PIGX: variants seen among roughly 807,000 people sequenced by gnomAD.
PIGX encodes phosphatidylinositol glycan anchor biosynthesis class X, also known as GPI alpha-1,4-mannosyltransferase I, stabilizing subunit.
Under a neutral mutation model 28.7 loss-of-function variants are expected in PIGX, and 24 were observed. The ratio of observed to expected loss-of-function variants is 0.84; its 90% CI spans 0.60 to 1.17. PIGX has a LOEUF of 1.17. Ranked by LOEUF, PIGX falls within the 50% of genes most tolerant of loss-of-function variation. The pLI, the probability that PIGX is intolerant of heterozygous loss-of-function variation, is 0.00. For missense variants in PIGX, 305 were observed against 317.8 expected (o/e 0.96, Z 0.31); for synonymous variants, 127 against 121.0 (o/e 1.05, Z -0.33).
chr3:196,723,494 C>T (rs1712403941), intron 3 of PIGX, among the ~76,000 whole-genome samples: 1 of 152,184 alleles, frequency 6.6e-6, no homozygotes, highest in African/African-American at 2.4e-5. Flanking sequence ...AGAAAAGTTT[C>T]CCCAACTTTG....
chr3:196,726,950 C>T (rs1160836231), intron 3 of PIGX, among the ~76,000 whole-genome samples: 1 of 152,156 alleles, frequency 6.6e-6, no homozygotes, highest in African/African-American at 2.4e-5. Context: ...CAAAGTCCCT[C>T]ATGACTCATG....
intron 4 of PIGX, among the ~76,000 whole-genome samples, chr3:196,730,477 T>C (rs1318951992): frequency 6.6e-6 from 1 of 151,936 alleles, no homozygotes; most frequent in Non-Finnish European, 1.5e-5. Flanking sequence ...TGGCCAGGCG[T>C]AGTGGCTCAC....
chr3:196,735,433 T>G lies in PIGX; in HGVS notation c.*1531T>G, dbSNP rs927307416. 2.6e-5 allele frequency: 4 copies of G among 152,006 alleles called. No individual in the cohort carries two copies. The highest frequency in any genetic ancestry group is 4.4e-5 in the Non-Finnish European group (3 of 68,022). 9.4% of individuals were successfully genotyped at this position (152,006 alleles called of 1,614,324 possible). On this transcript the variant is annotated 3_prime_UTR_variant, in exon 6 of 6. Coordinates refer to ENST00000392391, the MANE Select transcript of PIGX (RefSeq NM_017861.4). The stretch of plus-strand genomic sequence containing the variant: ...TATTGAGATGTGATAAACCTTTGTA[T>G]ATGCCATCACTGCTCCATTTCCTAA...
intron 5 of PIGX, among the ~76,000 whole-genome samples, chr3:196,732,226 A>T (rs1260410842): frequency 6.0e-4 from 20 of 33,258 alleles, no homozygotes; most frequent in African/African-American, 3.1e-3. Flanking sequence ...TTATATATAT[A>T]TATATATATA....
At position 196,712,659 on chromosome 3, in the gene PIGX, G is replaced by T. The variant is rs1711872664; in HGVS notation, c.112+15G>T. The T allele has an allele frequency of 2.5e-6, 3 of 1,185,800 alleles. No individual in the cohort carries two copies. The highest frequency in any genetic ancestry group is 2.1e-6 in the Non-Finnish European group (2 of 958,196). The allele number at this position is 1,185,800 out of a possible 1,614,324, so 73.5% of individuals were successfully genotyped here. On this transcript the variant is annotated intron_variant, in intron 1 of 5. Coordinates refer to ENST00000392391, the MANE Select transcript of PIGX (RefSeq NM_017861.4). ...CTCTGACGCCGGTAAGGGGGGCGGG[G>T]CTTGGGGGGCCAGAGCGTGGGAGCG...
Position 196,723,144 on chromosome 3 carries a change from C to T in PIGX, c.318+588C>T, listed in dbSNP as rs528317615. Among the ~76,000 whole-genome samples the T allele has an allele frequency of 2.6e-5, 4 of 152,262 alleles. No individual in the cohort carries two copies. In the South Asian group the frequency reaches 8.3e-4, roughly 32 times the overall value. On this transcript the variant is annotated intron_variant, in intron 3 of 5. Coordinates refer to ENST00000392391, the MANE Select transcript of PIGX (RefSeq NM_017861.4). ...ATTGCCTGAGCTTGGGAATTCGAAA[C>T]CAGCCTGGGCAACATGGCGAAACCC...
chr3:196,729,342 AT>A (rs199871572), intron 4 of PIGX, among the ~76,000 whole-genome samples: 2,756 of 146,462 alleles, frequency 0.019, 75 homozygotes, highest in African/African-American at 0.066. Flanking sequence ...CAAAAAAAAA[AT>A]AAAATAAAAA....
chr3:196,717,335 A>C (rs1712142011), intron 2 of PIGX, among the ~76,000 whole-genome samples: 1 of 152,074 alleles, frequency 6.6e-6, no homozygotes, highest in Admixed American at 6.6e-5. Context: ...TTGCTTCCTC[A>C]AAGTTACTCA....
intron 3 of PIGX, 81 bp from the exon 4 acceptor site, chr3:196,727,842 A>G: frequency 1.1e-6 from 1 of 943,840 alleles, no homozygotes; most frequent in Non-Finnish European, 1.7e-6. Flanking sequence ...GTGTATCTGT[A>G]TATAGTCTTC....
At chr3:196,723,816 T>C (rs2108682572) in intron 3 of PIGX, among the ~76,000 whole-genome samples, 1 of 152,118 alleles carries the variant, frequency 6.6e-6, no homozygotes, top group South Asian at 2.1e-4. Context: ...GGCCAGTTTC[T>C]TTATCCATTT....
chr3:196,725,885 A>G (rs1244027143), intron 3 of PIGX, among the ~76,000 whole-genome samples: 6 of 152,352 alleles, frequency 3.9e-5, no homozygotes, highest in African/African-American at 7.2e-5. Context: ...TCTTAAAAAC[A>G]AAACCTTAAA....
rs1175656364 is a variant in PIGX at position 196,732,216 on chromosome 3, TTATATATATATATATATA to T, written c.633+1148_633+1165del. Among the ~76,000 whole-genome samples, 37 of 51,380 alleles carry T rather than the reference TTATATATATATATATATA, an allele frequency of 7.2e-4. 2 individuals carry two copies. The highest frequency in any genetic ancestry group is 2.0e-3 in the Admixed American group (7 of 3,524). The allele number at this position is 51,380 out of a possible 152,430, so 33.7% of individuals were successfully genotyped here. A position where few individuals can be genotyped will look rare whatever the true frequency, so the allele number is the denominator to read the frequency against. On this transcript the variant is annotated intron_variant, in intron 5 of 5. Coordinates refer to ENST00000392391, the MANE Select transcript of PIGX (RefSeq NM_017861.4). Reference sequence around the variant, plus strand: ...GCTTTTAACTATATGTATATATTATTTATATATATATATATATATATATATATATATATATATATATTT... The same window carrying T: ...GCTTTTAACTATATGTATATATTATTTATATATATATATATATATATATTT...
rs112432105 is a variant in PIGX, at chr3:196,714,528, C to G, written c.112+1884C>G. ...TGCCAGGCTAGTGCAGTGGCGCAAT[C>G]TCGGCTTATTGCAACCTTCACCTCC... On this transcript the variant is annotated intron_variant, in intron 1 of 5. Coordinates refer to ENST00000392391, the MANE Select transcript of PIGX (RefSeq NM_017861.4). Among the ~76,000 whole-genome samples the G allele has an allele frequency of 2.0e-3, 290 of 148,630 alleles. 1 individual carries two copies. Among genetic ancestry groups the G allele is most frequent in the African/African-American group, 6.6e-3 (269 of 40,452 alleles).
chr3:196,714,783 C>G (rs1023749526), intron 1 of PIGX, among the ~76,000 whole-genome samples: 68 of 152,246 alleles, frequency 4.5e-4, no homozygotes, highest in Admixed American at 4.3e-3. Context: ...TTTTAAGAGG[C>G]AGAGCCTTGC....
intron 5 of PIGX, among the ~76,000 whole-genome samples, chr3:196,732,256 A>ATATT (rs1438652673): frequency 8.6e-5 from 2 of 23,252 alleles, no homozygotes; most frequent in Non-Finnish European, 8.1e-5. Context: ...ATATATATAT[A>ATATT]TTTTATTTTA....
chr3:196,712,924 A>G lies in PIGX; in HGVS notation c.112+280A>G, dbSNP rs112675608. 10 of 1,026,352 alleles carry G rather than the reference A, an allele frequency of 9.7e-6. No individual in the cohort carries two copies. In the African/African-American group the frequency reaches 1.0e-4, roughly 11 times the overall value. 63.6% of individuals were successfully genotyped at this position (1,026,352 alleles called of 1,614,324 possible). ...TTCTGAGAAGGAAAGTCAGCCGTCA[A>G]GCGTCTTGGGATGCTCTTGAGCTGC... On this transcript the variant is annotated intron_variant, in intron 1 of 5. Coordinates refer to ENST00000392391, the MANE Select transcript of PIGX (RefSeq NM_017861.4).
At chr3:196,725,639 A>G (rs1163809822) in intron 3 of PIGX, among the ~76,000 whole-genome samples, 2 of 152,186 alleles carry the variant, frequency 1.3e-5, no homozygotes, top group Non-Finnish European at 2.9e-5. Flanking sequence ...GTAGCTGAGT[A>G]TTTATCAGTG....
At chr3:196,714,738 G>T (rs1369050999) in intron 1 of PIGX, among the ~76,000 whole-genome samples, 1 of 152,188 alleles carries the variant, frequency 6.6e-6, no homozygotes, top group African/African-American at 2.4e-5. Context: ...GGGATTACAG[G>T]CATGAGTCAC....
chr3:196,720,061 A>G (rs1177551172), intron 2 of PIGX, among the ~76,000 whole-genome samples: 1 of 152,236 alleles, frequency 6.6e-6, no homozygotes. Flanking sequence ...TACAGGCGTG[A>G]GCCACCGCGC....
Sources: gnomAD v4.1 joint callset for allele counts (sites outside exome capture counted in the v4.1 genomes callset) on GRCh38, gnomAD v4.1.1 for gene constraint, MANE v1.5 for transcripts, NCBI Gene and HGNC (gene_info 2026-07-23, HGNC 2026-07-21) for gene names.